Variants in CCNI observed in about 807,000 individuals in gnomAD.
CCNI encodes cyclin I, also known as cyclin-I.
A neutral mutation model predicts 34.1 loss-of-function variants in CCNI; 14 were observed. That is an observed-to-expected ratio of 0.41 (90% CI 0.27 to 0.64). The LOEUF is 0.64. Among genes scored for constraint, CCNI ranks in the 30% least tolerant of loss-of-function variants. The probability of loss-of-function intolerance (pLI) is 0.31; values close to 1 mark genes in which losing one functional copy is unlikely to be tolerated. For missense variants in CCNI, 385 were observed against 440.5 expected, an observed-to-expected ratio of 0.87 and a Z score of 1.13; for synonymous variants, 154 against 158.4, an observed-to-expected ratio of 0.97 and a Z score of 0.21.
intron 2 of CCNI, 62 bp from the exon 3 acceptor site, chr4:77,058,697 A>G: frequency 6.9e-7 from 1 of 1,449,324 alleles, no homozygotes; most frequent in Non-Finnish European, 9.5e-7. Flanking sequence ...GAGTATGTTT[A>G]GAATTCTCTC....
In CCNI at chr4:77,048,962, G is replaced by GTTTT. The variant is rs538284505; in HGVS notation, c.691-304_691-301dup. On this transcript the variant is annotated intron_variant, in intron 6 of 6. Coordinates refer to ENST00000237654, the MANE Select transcript of CCNI (RefSeq NM_006835.3). ...AACTACTTTTTTGTATCCAACGTCT[G>GTTTT]TTTTTTTTTTTTTTTTTTTTTTTTT... Among the ~76,000 whole-genome samples, 16 of 47,654 alleles carry GTTTT rather than the reference G, an allele frequency of 3.4e-4. 3 individuals carry two copies. Among genetic ancestry groups the GTTTT allele is most frequent in the Non-Finnish European group, 5.1e-4 (11 of 21,430 alleles). The allele number at this position is 47,654 out of a possible 152,430, so 31.3% of individuals were successfully genotyped here.
intron 6 of CCNI, among the ~76,000 whole-genome samples, chr4:77,048,889 T>C (rs1214806830): frequency 1.6e-4 from 25 of 151,956 alleles, no homozygotes; most frequent in Non-Finnish European, 3.7e-4. Context: ...TCTTTGGAAC[T>C]TGAGTTTTGT....
At chr4:77,068,972 A>G (rs564091263) in intron 1 of CCNI, among the ~76,000 whole-genome samples, 9 of 152,310 alleles carry the variant, frequency 5.9e-5, no homozygotes, top group Non-Finnish European at 1.0e-4. Context: ...TTAGCATAAA[A>G]TATCTTCATA....
chr4:77,052,588 T>C (rs4252919), intron 6 of CCNI, among the ~76,000 whole-genome samples: 26 of 152,148 alleles, frequency 1.7e-4, no homozygotes, highest in Non-Finnish European at 3.7e-4. Context: ...GCAGAACTAG[T>C]GAGAGTGGCC....
chr4:77,054,509 G>C (rs1413454628), intron 6 of CCNI, among the ~76,000 whole-genome samples: 1 of 152,190 alleles, frequency 6.6e-6, no homozygotes, highest in Non-Finnish European at 1.5e-5. Flanking sequence ...CAAAGTAGTT[G>C]CTAACATACA....
In CCNI at chr4:77,075,527, T is replaced by G. The variant is rs937393638; in HGVS notation, c.-99A>C. The G allele has an allele frequency of 2.0e-6, 2 of 988,300 alleles. No individual in the cohort carries two copies. The highest frequency in any genetic ancestry group is 1.2e-4 in the Admixed American group (2 of 16,266). 61.2% of individuals were successfully genotyped at this position (988,300 alleles called of 1,614,324 possible). ...CCCGGCAGAGCTGTAGGCCTCACAG[T>G]GGTGACGCGGGGTCATCCGGGGGCC... On this transcript the variant is annotated 5_prime_UTR_variant, in exon 1 of 7. Transcript: ENST00000237654.
At chr4:77,070,325 C>CTTT (rs368351303) in intron 1 of CCNI, among the ~76,000 whole-genome samples, 7,046 of 144,418 alleles carry the variant, frequency 0.049, 573 homozygotes, top group African/African-American at 0.17. Flanking sequence ...CCCTCATTAG[C>CTTT]TTTTTTTTTT....
Position 77,066,387 on chromosome 4 carries a change from C to G in CCNI, c.-25G>C, listed in dbSNP as rs1307775462. ...TGATATCCTTTGGATCTGCCTGCTA[C>G]CCAGCTTGCTGTAGCTACCTACAGA... On this transcript the variant is annotated 5_prime_UTR_variant, in exon 2 of 7. Transcript: ENST00000237654. 6.2e-7 allele frequency: 1 copy of G among 1,613,118 alleles called. No individual in the cohort carries two copies. The highest frequency in any genetic ancestry group is 1.1e-5 in the South Asian group (1 of 90,976).
At chr4:77,049,013 G>T (rs1485704291) in intron 6 of CCNI, among the ~76,000 whole-genome samples, 1 of 126,896 alleles carries the variant, frequency 7.9e-6, no homozygotes, top group Non-Finnish European at 1.6e-5. Flanking sequence ...TGTCTGGAAG[G>T]CCCTTCATCC....
At chr4:77,061,854 A>G (rs1728628075) in intron 2 of CCNI, among the ~76,000 whole-genome samples, 2 of 152,086 alleles carry the variant, frequency 1.3e-5, no homozygotes, top group Admixed American at 1.3e-4. Context: ...TATTTTTAGT[A>G]GAGACGGGGT....
intron 2 of CCNI, among the ~76,000 whole-genome samples, chr4:77,059,194 T>C (rs1728438045): frequency 6.6e-6 from 1 of 152,060 alleles, no homozygotes; most frequent in Non-Finnish European, 1.5e-5. Flanking sequence ...CTGAAGTAAA[T>C]TACTATTTTG....
intron 2 of CCNI, among the ~76,000 whole-genome samples, chr4:77,059,731 G>C (rs1472802932): frequency 6.6e-6 from 1 of 152,030 alleles, no homozygotes; most frequent in Non-Finnish European, 1.5e-5. Flanking sequence ...ATATCTAGCT[G>C]TAATTCTGTA....
At chr4:77,057,683 A>C (rs771376649) in intron 3 of CCNI, among the ~76,000 whole-genome samples, 2 of 152,230 alleles carry the variant, frequency 1.3e-5, no homozygotes, top group Non-Finnish European at 2.9e-5. Flanking sequence ...GGCAATGGGG[A>C]CAATATAAAA....
intron 1 of CCNI, among the ~76,000 whole-genome samples, chr4:77,071,980 T>G: frequency 6.6e-6 from 1 of 152,294 alleles, no homozygotes; most frequent in East Asian, 1.9e-4. Flanking sequence ...GAAAAACTAA[T>G]AGCAATCTTT....
chr4:77,056,744 A>C (rs1376635454), intron 3 of CCNI, among the ~76,000 whole-genome samples: 1 of 151,436 alleles, frequency 6.6e-6, no homozygotes, highest in African/African-American at 2.4e-5. Flanking sequence ...GCCCGCCACC[A>C]CGCCCAGCTA....
rs759780516 is a variant in CCNI at position 77,066,240 on chromosome 4, AATC to A, written c.114+6_114+8del. ...TAAAATTCATCTGTCTTAAGAGAAA[AATC>A]ATTACCTGATTTGAAGGCATTTTCC... On this transcript the variant is annotated splice_donor_region_variant and intron_variant, in intron 2 of 6. Transcript: ENST00000237654. 217 of 1,611,896 alleles carry A rather than the reference AATC, an allele frequency of 1.3e-4. 1 individual carries two copies. The highest frequency in any genetic ancestry group is 6.6e-4 in the Middle Eastern group (4 of 6,076).
chr4:77,066,463 G>C (rs983145988), intron 1 of CCNI, 58 bp from the exon 2 acceptor site: 2 of 1,319,758 alleles, frequency 1.5e-6, no homozygotes, highest in Non-Finnish European at 2.1e-6. Flanking sequence ...ATTATATAAA[G>C]TACTAATTAA....
chr4:77,048,958 GTC>G lies in CCNI; in HGVS notation c.691-298_691-297del, dbSNP rs1727640927. 2.0e-5 allele frequency among the ~76,000 whole-genome samples: 2 copies of G among 99,744 alleles called. 1 individual carries two copies. The highest frequency in any genetic ancestry group is 6.4e-4 in the South Asian group (2 of 3,148). The allele number at this position is 99,744 out of a possible 152,430, so 65.4% of individuals were successfully genotyped here. A position where few individuals can be genotyped will look rare whatever the true frequency, so the allele number is the denominator to read the frequency against. On this transcript the variant is annotated intron_variant, in intron 6 of 6. Coordinates refer to ENST00000237654, the MANE Select transcript of CCNI (RefSeq NM_006835.3). Reference sequence around the variant, plus strand: ...CAGAAACTACTTTTTTGTATCCAACGTCTGTTTTTTTTTTTTTTTTTTTTTTT... The same window carrying G: ...CAGAAACTACTTTTTTGTATCCAACGTGTTTTTTTTTTTTTTTTTTTTTTT...
chr4:77,066,124 T>C (rs1729017882), intron 2 of CCNI, 125 bp downstream of exon 2: 6 of 748,028 alleles, frequency 8.0e-6, no homozygotes, highest in Non-Finnish European at 1.3e-5. Context: ...AGGGAGAGTC[T>C]CTCAAATACA....
Sources: gnomAD v4.1 joint callset for allele counts (sites outside exome capture counted in the v4.1 genomes callset) on GRCh38, gnomAD v4.1.1 for gene constraint, MANE v1.5 for transcripts, NCBI Gene and HGNC (gene_info 2026-07-23, HGNC 2026-07-21) for gene names.